DOCK1: variants seen among roughly 807,000 people sequenced by gnomAD.
The protein encoded by DOCK1 is dedicator of cytokinesis 1.
A neutral mutation model predicts 262.7 loss-of-function variants in DOCK1; 138 were observed. That is an observed-to-expected ratio of 0.53 (90% CI 0.46 to 0.61). The LOEUF (loss-of-function observed/expected upper bound fraction) is 0.61. Ranked by LOEUF, DOCK1 falls within the 20% of genes least tolerant of loss-of-function variation. The pLI is 0.00. For missense variants in DOCK1, 1,908 were observed against 2,370.7 expected, an observed-to-expected ratio of 0.80 and a Z score of 4.05; for synonymous variants, 866 against 867.4, an observed-to-expected ratio of 1.00 and a Z score of 0.03.
chr10:127,295,173 T>C (rs910837391), intron 29 of DOCK1, among the ~76,000 whole-genome samples: 3 of 152,180 alleles, frequency 2.0e-5, no homozygotes, highest in African/African-American at 7.2e-5. Context: ...GGCCCATAGT[T>C]CTGCAGGCTG....
At chr10:127,359,530 A>C (rs552700050) in intron 32 of DOCK1, among the ~76,000 whole-genome samples, 1 of 152,226 alleles carries the variant, frequency 6.6e-6, no homozygotes, top group East Asian at 1.9e-4. Flanking sequence ...TAATACAAGG[A>C]AAGTGTCACC....
chr10:127,303,012 A>G (rs1341182857), intron 29 of DOCK1, among the ~76,000 whole-genome samples: 2 of 152,206 alleles, frequency 1.3e-5, no homozygotes, highest in Non-Finnish European at 2.9e-5. Flanking sequence ...GTTTATAATC[A>G]GAAACAAAAA....
intron 29 of DOCK1, among the ~76,000 whole-genome samples, chr10:127,295,976 A>G (rs1267437916): frequency 6.6e-6 from 1 of 152,188 alleles, no homozygotes; most frequent in Non-Finnish European, 1.5e-5. Context: ...GCAGGGGCCT[A>G]TTAGGGGAGA....
At chr10:127,407,042 G>A (rs182664582) in intron 40 of DOCK1, among the ~76,000 whole-genome samples, 352 of 151,724 alleles carry the variant, frequency 2.3e-3, no homozygotes, top group Non-Finnish European at 4.1e-3. Flanking sequence ...GGGGGGCGGT[G>A]GGGAGAAATA....
intron 38 of DOCK1, among the ~76,000 whole-genome samples, chr10:127,400,194 A>G (rs1238462193): frequency 6.6e-6 from 1 of 152,066 alleles, no homozygotes; most frequent in Non-Finnish European, 1.5e-5. Flanking sequence ...AAAAAAAAAA[A>G]AAAGCAGATG....
chr10:127,083,510 A>G (rs2047025852), intron 23 of DOCK1, among the ~76,000 whole-genome samples: 1 of 152,268 alleles, frequency 6.6e-6, no homozygotes, highest in Non-Finnish European at 1.5e-5. Context: ...TAAGAAACTC[A>G]CTAACTGAAC....
chr10:127,425,152 T>C (rs2068738643), intron 46 of DOCK1, among the ~76,000 whole-genome samples: 1 of 152,188 alleles, frequency 6.6e-6, no homozygotes, highest in South Asian at 2.1e-4. Context: ...CTTAGCTTGA[T>C]TACATGGAAG....
intron 23 of DOCK1, among the ~76,000 whole-genome samples, chr10:127,104,689 C>T (rs545168652): frequency 6.6e-6 from 1 of 152,136 alleles, no homozygotes; most frequent in Non-Finnish European, 1.5e-5. Context: ...AAGTATCTGG[C>T]GTGAATGTTA....
Position 127,175,555 on chromosome 10 carries a change from G to A in DOCK1, c.2847+47791G>A. 1 of 1,611,848 alleles carries A rather than the reference G, an allele frequency of 6.2e-7. No individual in the cohort carries two copies. Among genetic ancestry groups the A allele is most frequent in the African/African-American group, 1.3e-5 (1 of 75,054 alleles). On this transcript the variant is annotated intron_variant, in intron 27 of 51. Transcript: ENST00000623213. The surrounding 1 kb of genome is among the most constrained non-coding windows in gnomAD (Gnocchi z 6.3). ...CTCCGCTCGTCATCTGCCGGGCAGA[G>A]TGACCACTGGCTGGCGGCTGCAGAG...
At chr10:127,317,410 T>C (rs1403403645) in intron 29 of DOCK1, among the ~76,000 whole-genome samples, 1 of 152,200 alleles carries the variant, frequency 6.6e-6, no homozygotes, top group Non-Finnish European at 1.5e-5. Context: ...TCTGTGTTCG[T>C]TTGTTTGCCA....
intron 29 of DOCK1, among the ~76,000 whole-genome samples, chr10:127,283,113 T>G (rs1442156764): frequency 6.6e-6 from 1 of 152,250 alleles, no homozygotes. Context: ...CTGCACCTCC[T>G]GCTTTGCTCT....
chr10:127,426,320 G>A (rs1021317049), intron 47 of DOCK1, among the ~76,000 whole-genome samples: 6 of 152,140 alleles, frequency 3.9e-5, no homozygotes, highest in Non-Finnish European at 5.9e-5. Context: ...ATCTCACAGC[G>A]CCCAGGCAAC....
At chr10:127,444,661 A>G (rs1015071138) in intron 50 of DOCK1, among the ~76,000 whole-genome samples, 6 of 152,228 alleles carry the variant, frequency 3.9e-5, no homozygotes, top group Non-Finnish European at 1.5e-5. Context: ...GCAGTTGGCA[A>G]CAGCTAAGGG....
chr10:127,053,432 C>G (rs1350833233), intron 22 of DOCK1, among the ~76,000 whole-genome samples: 4 of 152,236 alleles, frequency 2.6e-5, no homozygotes, highest in African/African-American at 7.2e-5. Flanking sequence ...TCCTCCTCCT[C>G]TTTTCCTCAG....
Position 127,026,676 on chromosome 10 carries a change from T to G in DOCK1, c.1624+252T>G, listed in dbSNP as rs1037733547. Among the ~76,000 whole-genome samples, 14 of 152,330 alleles carry G rather than the reference T, an allele frequency of 9.2e-5. 1 individual carries two copies. The East Asian group carries it at 2.7e-3, about 29-fold the overall frequency. On this transcript the variant is annotated intron_variant, in intron 16 of 51. Coordinates refer to ENST00000623213, the MANE Select transcript of DOCK1 (RefSeq NM_001290223.2). ...CCCTTCTTTCTTTTGCTTTCCAGTC[T>G]TCCGTGTTGACTTGCCATCCATCCA...
intron 32 of DOCK1, 38 bp from the exon 33 acceptor site, chr10:127,362,026 T>C: frequency 6.4e-7 from 1 of 1,558,422 alleles, no homozygotes; most frequent in Non-Finnish European, 8.7e-7. Flanking sequence ...GAATTCTATT[T>C]TTCTTTATTT....
intron 23 of DOCK1, among the ~76,000 whole-genome samples, chr10:127,062,412 A>G (rs1362594974): frequency 6.6e-6 from 1 of 152,174 alleles, no homozygotes; most frequent in Non-Finnish European, 1.5e-5. Flanking sequence ...AATCCTTTCT[A>G]CTTGCTTTTT....
chr10:127,294,685 A>G (rs2061448727), intron 29 of DOCK1, among the ~76,000 whole-genome samples: 2 of 140,752 alleles, frequency 1.4e-5, no homozygotes, highest in African/African-American at 2.7e-5. Context: ...GTCTGGCTCT[A>G]TCACCCAGGC....
chr10:127,096,985 A>G (rs1009149072), intron 23 of DOCK1, among the ~76,000 whole-genome samples: 4 of 152,106 alleles, frequency 2.6e-5, no homozygotes, highest in African/African-American at 9.7e-5. Flanking sequence ...CACACCTGTA[A>G]TTCTAGCTAC....
Sources: gnomAD v4.1 joint callset for allele counts (sites outside exome capture counted in the v4.1 genomes callset) on GRCh38, gnomAD v4.1.1 for gene constraint, Gnocchi (gnomAD v3.1) non-coding constraint, MANE v1.5 for transcripts, NCBI Gene and HGNC (gene_info 2026-07-23, HGNC 2026-07-21) for gene names.